ABAT: variants seen among roughly 807,000 people sequenced by gnomAD.
ABAT encodes the protein 4-aminobutyrate aminotransferase, mitochondrial.
Under a neutral mutation model 64.6 loss-of-function variants are expected in ABAT, and 45 were observed. The observed-to-expected ratio is 0.70, with a 90% confidence interval of 0.55 to 0.89. The LOEUF is 0.89. ABAT is among the 40% of genes least tolerant of loss of function. ABAT has a pLI of 0.00. For missense variants in ABAT, 633 were observed against 658.4 expected, an observed-to-expected ratio of 0.96 and a Z score of 0.42; for synonymous variants, 297 against 250.5, an observed-to-expected ratio of 1.19 and a Z score of -1.75.
chr16:8,701,127 G>A (rs28714127), intron 1 of ABAT, among the ~76,000 whole-genome samples: 3,609 of 152,096 alleles, frequency 0.024, 82 homozygotes, highest in East Asian at 0.11. Context: ...TAGTAGAGAC[G>A]GGGTTTCACC....
At chr16:8,721,661 T>C (rs2058375095) in intron 1 of ABAT, among the ~76,000 whole-genome samples, 1 of 152,154 alleles carries the variant, frequency 6.6e-6, no homozygotes, top group African/African-American at 2.4e-5. Flanking sequence ...AGTAAGTAAA[T>C]AAATGGGAGC....
intron 15 of ABAT, among the ~76,000 whole-genome samples, chr16:8,780,056 A>G (rs933481): frequency 0.99 from 151,193 of 152,302 alleles, 75,051 homozygotes; most frequent in Middle Eastern, 1. Flanking sequence ...AAGTCTTGAC[A>G]AACAGGGATT....
At chr16:8,765,615 A>G (rs2059921238) in intron 8 of ABAT, among the ~76,000 whole-genome samples, 2 of 152,068 alleles carry the variant, frequency 1.3e-5, no homozygotes, top group Middle Eastern at 3.2e-3. Flanking sequence ...CAGTTAGCTG[A>G]TATCATGCTA....
intron 1 of ABAT, chr16:8,713,892 C>T (rs543067946): frequency 1.8e-4 from 81 of 456,226 alleles, no homozygotes; most frequent in South Asian, 1.1e-3. Context: ...ATGTGTGTCT[C>T]TGTGTGCATC....
At chr16:8,685,765 A>C (rs2057441495) in intron 1 of ABAT, among the ~76,000 whole-genome samples, 1 of 152,194 alleles carries the variant, frequency 6.6e-6, no homozygotes, top group African/African-American at 2.4e-5. Flanking sequence ...GCATGGGTGG[A>C]TGAGGAGTGG....
In ABAT at chr16:8,781,212, T is replaced by C. The variant is rs960119614; in HGVS notation, c.1382-97T>C. The C allele has an allele frequency of 2.5e-6, 4 of 1,571,400 alleles. No individual in the cohort carries two copies. Among genetic ancestry groups the C allele is most frequent in the Non-Finnish European group, 2.6e-6 (3 of 1,143,872 alleles). Reference sequence around the variant, plus strand: ...GATGATGGATGGATGGATGGATGGATGGATGAGCGTTGCCAACAGGCATCA... The same window carrying C: ...GATGATGGATGGATGGATGGATGGACGGATGAGCGTTGCCAACAGGCATCA... On this transcript the variant is annotated intron_variant, in intron 15 of 15. Coordinates refer to ENST00000268251, the MANE Select transcript of ABAT (RefSeq NM_020686.6). This position sits in a 1 kb window ranked among gnomAD's most constrained non-coding sequence, Gnocchi z 4.5.
chr16:8,726,913 AG>A (rs1411704397), intron 1 of ABAT, among the ~76,000 whole-genome samples: 1 of 152,108 alleles, frequency 6.6e-6, no homozygotes, highest in African/African-American at 2.4e-5. Flanking sequence ...AGCTCTTTGT[AG>A]TTTTGATTTG....
Position 8,781,523 on chromosome 16 carries a change from A to C in ABAT, c.*93A>C. The stretch of plus-strand genomic sequence containing the variant: ...ATTCATGTTTTCACTTAAAAGTATC[A>C]GAGGTGAATGCACAGTGAAGGGTGA... On this transcript the variant is annotated 3_prime_UTR_variant, in exon 16 of 16. Coordinates refer to ENST00000268251, the MANE Select transcript of ABAT (RefSeq NM_020686.6). This position sits in a 1 kb window ranked among gnomAD's most constrained non-coding sequence, Gnocchi z 4.5. The C allele has an allele frequency of 6.9e-7, 1 of 1,444,050 alleles. No homozygotes were observed. 89.5% of individuals were successfully genotyped at this position (1,444,050 alleles called of 1,614,324 possible).
intron 1 of ABAT, among the ~76,000 whole-genome samples, chr16:8,720,497 G>A (rs1279331391): frequency 6.6e-6 from 1 of 152,254 alleles, no homozygotes; most frequent in Non-Finnish European, 1.5e-5. Flanking sequence ...CCTGCAGGGA[G>A]AGAGGGCTGG....
At chr16:8,678,254 C>T (rs1033162616) in intron 1 of ABAT, among the ~76,000 whole-genome samples, 1 of 152,226 alleles carries the variant, frequency 6.6e-6, no homozygotes, top group South Asian at 2.1e-4. Flanking sequence ...GAGACAGAGT[C>T]GGGTGGTCTC....
intron 8 of ABAT, 154 bp from the exon 9 acceptor site, chr16:8,766,054 C>T (rs1167332293): frequency 1.1e-5 from 8 of 702,638 alleles, no homozygotes; most frequent in African/African-American, 1.8e-5. Flanking sequence ...GGTAGCCTCA[C>T]GTTTCAGTAC....
chr16:8,759,655 G>A (rs1011490120), intron 6 of ABAT, among the ~76,000 whole-genome samples: 3 of 152,170 alleles, frequency 2.0e-5, no homozygotes, highest in African/African-American at 7.2e-5. Flanking sequence ...AGGGACTACA[G>A]GTGCCCACCA....
At chr16:8,682,662 C>A (rs181650165) in intron 1 of ABAT, among the ~76,000 whole-genome samples, 1 of 152,218 alleles carries the variant, frequency 6.6e-6, no homozygotes, top group Admixed American at 6.5e-5. Flanking sequence ...CTGCCAGCAT[C>A]TCCCATTTAG....
intron 1 of ABAT, among the ~76,000 whole-genome samples, chr16:8,695,334 A>G (rs1285063831): frequency 6.6e-6 from 1 of 152,232 alleles, no homozygotes; most frequent in African/African-American, 2.4e-5. Flanking sequence ...ATACTGGTTA[A>G]GAGGCCAGCG....
intron 1 of ABAT, among the ~76,000 whole-genome samples, chr16:8,717,914 C>A (rs778150146): frequency 6.6e-6 from 1 of 152,028 alleles, no homozygotes; most frequent in Non-Finnish European, 1.5e-5. Context: ...CTTGGCCTCC[C>A]AACATGCTGG....
chr16:8,716,527 C>T (rs1378776304), intron 1 of ABAT, among the ~76,000 whole-genome samples: 1 of 152,188 alleles, frequency 6.6e-6, no homozygotes, highest in Non-Finnish European at 1.5e-5. Flanking sequence ...GGGCGTGCTT[C>T]ATGGGTTTGT....
At chr16:8,771,529 C>T (rs551579240) in intron 11 of ABAT, among the ~76,000 whole-genome samples, 9 of 148,140 alleles carry the variant, frequency 6.1e-5, no homozygotes, top group Admixed American at 4.1e-4. Context: ...TGCAGTGGCA[C>T]GATATCTCGG....
intron 1 of ABAT, among the ~76,000 whole-genome samples, chr16:8,709,000 G>A (rs2058011609): frequency 6.6e-6 from 1 of 152,122 alleles, no homozygotes; most frequent in Non-Finnish European, 1.5e-5. Context: ...TGCCCGAAAT[G>A]GGGCTCATCT....
In ABAT at chr16:8,682,807, A is replaced by AGCATT. The variant is rs2057366618; in HGVS notation, c.-42+8101_-42+8105dup. On this transcript the variant is annotated intron_variant, in intron 1 of 15. Coordinates refer to ENST00000268251, the MANE Select transcript of ABAT (RefSeq NM_020686.6). ...CTGAAAGTGTGGTCCAGCGGCCAGC[A>AGCATT]GCATTGCATCTTCTAGGAGCTAGCT... Among the ~76,000 whole-genome samples the AGCATT allele has an allele frequency of 2.6e-5, 4 of 152,360 alleles. No homozygotes were observed. In the South Asian group the frequency reaches 8.3e-4, roughly 32 times the overall value.
Sources: gnomAD v4.1 joint callset for allele counts (sites outside exome capture counted in the v4.1 genomes callset) on GRCh38, gnomAD v4.1.1 for gene constraint, Gnocchi (gnomAD v3.1) non-coding constraint, MANE v1.5 for transcripts, NCBI Gene and HGNC (gene_info 2026-07-23, HGNC 2026-07-21) for gene names.